The following PCDH19 variants were observed in gnomAD, a reference collection of about 807,000 sequenced individuals.
PCDH19 encodes the protein protocadherin 19, also known as protocadherin-19.
A neutral mutation model predicts 46.2 loss-of-function variants in PCDH19; 6 were observed. That is an observed-to-expected ratio of 0.13 (90% confidence interval 0.07 to 0.26). The LOEUF is 0.26. PCDH19 is among the 10% of genes least tolerant of loss of function. The pLI is 1.00. For missense variants in PCDH19, 740 were observed against 972.3 expected (o/e 0.76, Z 3.18); for synonymous variants, 481 against 415.7 (o/e 1.16, Z -1.91).
intron 3 of PCDH19, among the ~76,000 whole-genome samples, chrX:100,356,563 G>A (rs1189384008): frequency 2.7e-5 from 3 of 111,640 alleles, no homozygotes; most frequent in Non-Finnish European, 3.8e-5. Flanking sequence ...CAGCTAGAAT[G>A]TATATTCAAA....
Position 100,402,658 on chromosome X carries a change from A to G in PCDH19, c.2482T>C (p.Ser828Pro). ...QQTLPLGCRR[S>P]ESTFLNVENQ... ...TCCACATTCAGGAAAGTGCTCTCAG[A>G]GCGGCGGCAGCCCAGGGGCAGCGTC... Residue 828 changes from serine to proline, a missense_variant, in exon 3 of 6, where the codon TCT becomes CCT. Ser to Pro is a moderately conservative substitution (Grantham distance 74). This residue lies in a region of PCDH19 where 416 missense variants were observed against 476.8 expected (regional missense o/e 0.87). Coordinates refer to ENST00000373034, the MANE Select transcript of PCDH19 (RefSeq NM_001184880.2). The G allele has an allele frequency of 8.3e-7, 1 of 1,211,462 alleles. No homozygotes were observed. Among genetic ancestry groups the G allele is most frequent in the Non-Finnish European group, 1.1e-6 (1 of 895,338 alleles).
chrX:100,348,106 A>T (rs958197283), intron 4 of PCDH19, among the ~76,000 whole-genome samples: 4 of 109,040 alleles, frequency 3.7e-5, no homozygotes, highest in Non-Finnish European at 7.6e-5. Flanking sequence ...AAAGAAAAAG[A>T]AGTTCTCAAA....
Position 100,407,400 on chromosome X carries a change from C to T in PCDH19, c.1198G>A (p.Glu400Lys). ...GNVPFRLQEY[E>K]SFSTILVDGR... ...TCCACCAGAATAGTGGAGAAGCTCT[C>T]ATATTCCTGCAGTCGAAAGGGCACA... Residue 400 changes from glutamate (E) to lysine (K), a missense_variant, in exon 1 of 6, where the codon GAG (glutamate) becomes AAG (lysine). By Grantham distance (56) the Glu-to-Lys change is moderately conservative (BLOSUM62 1). This residue lies in a region of PCDH19 where 186 missense variants were observed against 319.9 expected (regional missense o/e 0.58). Transcript: ENST00000373034. 1 of 1,212,163 alleles carries T rather than the reference C, an allele frequency of 8.2e-7. No individual in the cohort carries two copies. The highest frequency in any genetic ancestry group is 1.1e-6 in the Non-Finnish European group (1 of 895,594).
chrX:100,333,209 GAA>G (rs1925969500), intron 5 of PCDH19, among the ~76,000 whole-genome samples: 2 of 100,489 alleles, frequency 2.0e-5, no homozygotes, highest in Admixed American at 2.2e-4. Flanking sequence ...AAGAAAGAAA[GAA>G]AGAAAGAAAG....
chrX:100,371,028 T>TGG (rs1294290535), intron 3 of PCDH19, among the ~76,000 whole-genome samples: 1 of 97,780 alleles, frequency 1.0e-5, no homozygotes, highest in Admixed American at 1.1e-4. Context: ...TGTGTGTGGG[T>TGG]GTGTGTGTAT....
chrX:100,398,454 A>G (rs1470936109), intron 3 of PCDH19, among the ~76,000 whole-genome samples: 5 of 112,238 alleles, frequency 4.5e-5, no homozygotes, highest in Non-Finnish European at 9.4e-5. Flanking sequence ...GCTATCTTCC[A>G]TTCAGCACTA....
At position 100,409,917 on chromosome X, in the gene PCDH19, G is replaced by A. The variant is rs1419160961; in HGVS notation, c.-1320C>T. 3.1e-6 allele frequency: 1 copy of A among 321,256 alleles called. No homozygotes were observed. The highest frequency in any genetic ancestry group is 2.8e-5 in the African/African-American group (1 of 36,107). The allele number at this position is 321,256 out of a possible 1,213,427, so 26.5% of individuals were successfully genotyped here. A position where few individuals can be genotyped will look rare whatever the true frequency, so the allele number is the denominator to read the frequency against. On this transcript the variant is annotated 5_prime_UTR_variant, in exon 1 of 6. Transcript: ENST00000373034. ...CTTCCTCCCGGGCGCTCGCGCACTC[G>A]GGAGGTCTGTCTCGCTTTCTCTGTC...
At chrX:100,297,309 T>C (rs1004093907) in intron 5 of PCDH19, among the ~76,000 whole-genome samples, 1 of 110,992 alleles carries the variant, frequency 9.0e-6, no homozygotes, top group Admixed American at 9.6e-5. Flanking sequence ...GCCATATTTT[T>C]GAACAACAGC....
In PCDH19 at chrX:100,408,104, G is replaced by A. The variant is rs1377849804; in HGVS notation, c.494C>T (p.Thr165Ile). ...CAGCTCGTTGGGCGTGAGCTCGTAAGTCTGCACGCCAAAGCTTCCTGAGTC... is the reference window on the plus strand; with the variant it reads ...CAGCTCGTTGGGCGTGAGCTCGTAAATCTGCACGCCAAAGCTTCCTGAGTC... Reference protein sequence around the residue: ...DPDSGSFGVQTYELTPNELFG... With the variant: ...DPDSGSFGVQIYELTPNELFG... The change falls in exon 1 of 6, where the codon ACT (threonine) becomes ATT (isoleucine). Residue 165 changes from threonine to isoleucine, a missense_variant. By Grantham distance (89) the Thr-to-Ile change is moderately conservative. Transcript: ENST00000373034. The A allele has an allele frequency of 8.3e-7, 1 of 1,209,736 alleles. No individual in the cohort carries two copies. The highest frequency in any genetic ancestry group is 1.1e-6 in the Non-Finnish European group (1 of 895,496).
intron 3 of PCDH19, among the ~76,000 whole-genome samples, chrX:100,351,881 T>C (rs952414996): frequency 3.6e-5 from 4 of 112,171 alleles, no homozygotes; most frequent in Non-Finnish European, 3.8e-5. Flanking sequence ...CAATAGCAGA[T>C]CCAGCTACCA....
intron 3 of PCDH19, among the ~76,000 whole-genome samples, chrX:100,398,243 G>A (rs905611336): frequency 1.9e-4 from 21 of 112,223 alleles, no homozygotes; most frequent in Non-Finnish European, 2.6e-4. Flanking sequence ...TGATTTCCCA[G>A]CCAACATCAG....
intron 3 of PCDH19, among the ~76,000 whole-genome samples, chrX:100,378,615 C>G (rs780130099): frequency 8.9e-6 from 1 of 112,361 alleles, no homozygotes; most frequent in Non-Finnish European, 1.9e-5. Context: ...CTTGTATTAA[C>G]GTGCTAGCCA....
chrX:100,348,083 A>AAAAAAAAG (rs1555978428), intron 4 of PCDH19, among the ~76,000 whole-genome samples: 5 of 106,532 alleles, frequency 4.7e-5, no homozygotes, highest in African/African-American at 1.8e-4. Flanking sequence ...AAAAAAAAAA[A>AAAAAAAAG]AAAGAAAGAA....
chrX:100,296,849 C>T lies in PCDH19; in HGVS notation c.2875G>A (p.Glu959Lys), dbSNP rs1602567417. Residue 959 changes from glutamate (E) to lysine (K), a missense_variant, in exon 6 of 6, where the codon GAA becomes AAA. Physicochemically the swap from Glu to Lys is moderately conservative, Grantham distance 56. Coordinates refer to ENST00000373034, the MANE Select transcript of PCDH19 (RefSeq NM_001184880.2). The part of the protein sequence containing the change: ...HDQNEGFHCR[E>K]ECRILGHSDR... ...GAGTGGCCAAGAATCCGGCATTCTT[C>T]CCGGCAATGAAATCCTTCATTCTGA... 2.5e-6 allele frequency: 3 copies of T among 1,206,759 alleles called. No homozygotes were observed. Among genetic ancestry groups the T allele is most frequent in the Non-Finnish European group, 3.4e-6 (3 of 892,664 alleles).
At chrX:100,370,383 A>G (rs763489648) in intron 3 of PCDH19, among the ~76,000 whole-genome samples, 15 of 112,479 alleles carry the variant, frequency 1.3e-4, no homozygotes, top group Non-Finnish European at 2.6e-4. Flanking sequence ...AGAGTTCTCT[A>G]AAACTGTATT....
At chrX:100,379,266 AGT>A (rs1425185523) in intron 3 of PCDH19, among the ~76,000 whole-genome samples, 2 of 108,227 alleles carry the variant, frequency 1.8e-5, no homozygotes, top group East Asian at 5.9e-4. Context: ...TTCCCAAATG[AGT>A]CACGTAGGGC....
Position 100,377,820 on chromosome X carries a change from G to A in PCDH19, c.2616+24704C>T, listed in dbSNP as rs140668343. Reference sequence around the variant, plus strand: ...GAAAAATCCTGAGAGGCAGTGAGGTGTAAGGGAATCTAATCTTCTGTGAAT... The same window carrying A: ...GAAAAATCCTGAGAGGCAGTGAGGTATAAGGGAATCTAATCTTCTGTGAAT... On this transcript the variant is annotated intron_variant, in intron 3 of 5. Transcript: ENST00000373034. Among the ~76,000 whole-genome samples, 922 of 112,284 alleles carry A rather than the reference G, an allele frequency of 8.2e-3. 19 individuals are homozygous for A. The highest frequency in any genetic ancestry group is 0.028 in the African/African-American group (862 of 30,889).
chrX:100,297,259 G>C (rs1924646923), intron 5 of PCDH19, among the ~76,000 whole-genome samples: 1 of 111,579 alleles, frequency 9.0e-6, no homozygotes, highest in African/African-American at 3.3e-5. Flanking sequence ...AGTGGAGGCA[G>C]GGAAGGGAAT....
intron 3 of PCDH19, among the ~76,000 whole-genome samples, chrX:100,381,110 A>T (rs1374156703): frequency 8.9e-6 from 1 of 112,286 alleles, no homozygotes; most frequent in Non-Finnish European, 1.9e-5. Context: ...AGCATTTTAC[A>T]AAACTGTACT....
Sources: gnomAD v4.1 joint callset for allele counts (sites outside exome capture counted in the v4.1 genomes callset) on GRCh38, gnomAD v4.1.1 for gene constraint, gnomAD v4.1.1 regional missense constraint, MANE v1.5 for transcripts, NCBI Gene and HGNC (gene_info 2026-07-23, HGNC 2026-07-21) for gene names.